Variants in REN observed in about 807,000 individuals in gnomAD.
REN encodes renin, also known as angiotensin-forming enzyme.
REN carries 42 observed loss-of-function variants against 48.6 expected under a neutral mutation model. The ratio of observed to expected loss-of-function variants is 0.86; its 90% CI spans 0.68 to 1.12. The LOEUF (loss-of-function observed/expected upper bound fraction) is 1.12. REN is among the 50% of genes most tolerant of loss of function. REN has a pLI of 0.00. For synonymous variants in REN, 196 were observed against 204.6 expected (o/e 0.96, Z 0.36); for missense variants, 443 against 527.3 (o/e 0.84, Z 1.57).
Position 204,154,857 on chromosome 1 carries a change from A to C in REN, c.*159T>G. The stretch of plus-strand genomic sequence containing the variant: ...TCTTTATTCTCTTTGTCCTCAAAGC[A>C]GGGAAGGGCTGGTGCAGGGGTCAGG... On this transcript the variant is annotated 3_prime_UTR_variant, in exon 10 of 10. Transcript: ENST00000272190. 1 of 773,738 alleles carries C rather than the reference A, an allele frequency of 1.3e-6. No individual in the cohort carries two copies. Among genetic ancestry groups the C allele is most frequent in the Non-Finnish European group, 2.2e-6 (1 of 460,806 alleles). 47.9% of individuals were successfully genotyped at this position (773,738 alleles called of 1,614,324 possible).
At position 204,155,007 on chromosome 1, in the gene REN, C is replaced by G; in HGVS notation, c.*9G>C. The G allele has an allele frequency of 6.2e-7, 1 of 1,613,552 alleles. No homozygotes were observed. Among genetic ancestry groups the G allele is most frequent in the Non-Finnish European group, 8.5e-7 (1 of 1,180,002 alleles). The stretch of plus-strand genomic sequence containing the variant: ...CTGAAGGCAGGGCCTGCCTGGGTGG[C>G]AGAGGGCCTCAGCGGGCCAAGGCGA... On this transcript the variant is annotated 3_prime_UTR_variant, in exon 10 of 10. Coordinates refer to ENST00000272190, the MANE Select transcript of REN (RefSeq NM_000537.4).
intron 1 of REN, among the ~76,000 whole-genome samples, chr1:204,163,420 C>T (rs1276098017): frequency 2.6e-5 from 4 of 152,198 alleles, no homozygotes; most frequent in Admixed American, 2.6e-4. Flanking sequence ...TATTTGCTCT[C>T]ATAAGGTGGA....
In REN at chr1:204,155,270, C is replaced by T. The variant is rs753925360; in HGVS notation, c.1060-93G>A. The T allele has an allele frequency of 1.4e-4, 199 of 1,408,292 alleles. 2 individuals are homozygous for T. In the Middle Eastern group the frequency reaches 1.6e-3, roughly 11 times the overall value. 87.2% of individuals were successfully genotyped at this position (1,408,292 alleles called of 1,614,324 possible). ...CCCAGCAACTGTCTTCAGCAACATT[C>T]CCCCTCTCGCCCCCATCTCTCCCCT... is the stretch of plus-strand genomic sequence containing the variant. On this transcript the variant is annotated intron_variant, in intron 9 of 9. Coordinates refer to ENST00000272190, the MANE Select transcript of REN (RefSeq NM_000537.4).
At chr1:204,159,371 C>A in intron 5 of REN, 28 bp downstream of exon 5, 9 of 1,605,428 alleles carry the variant, frequency 5.6e-6, no homozygotes, top group Non-Finnish European at 7.7e-6. Flanking sequence ...TGTCCCCCCA[C>A]CTCAGCCCTT....
At chr1:204,162,743 T>C (rs2102314928) in intron 1 of REN, among the ~76,000 whole-genome samples, 1 of 152,336 alleles carries the variant, frequency 6.6e-6, no homozygotes, top group Non-Finnish European at 1.5e-5. Context: ...CAGCCAGGGC[T>C]GTGGTGGAGT....
chr1:204,161,258 A>G (rs536767208), intron 3 of REN, 34 bp downstream of exon 3: 21 of 1,557,652 alleles, frequency 1.3e-5, no homozygotes, highest in South Asian at 2.5e-5. Context: ...GGGCAGGGGG[A>G]TGGAGGAGAG....
In REN at chr1:204,156,083, A is replaced by G; in HGVS notation, c.960+95T>C. ...TGGAGAGTGTGAGGTGAACAAGCGAAGGCCTGAGATGGCCTCATTTGCCTG... is the reference window on the plus strand; with the variant it reads ...TGGAGAGTGTGAGGTGAACAAGCGAGGGCCTGAGATGGCCTCATTTGCCTG... On this transcript the variant is annotated intron_variant, in intron 8 of 9. Transcript: ENST00000272190. The surrounding 1 kb of genome is among the most constrained non-coding windows in gnomAD (Gnocchi z 4.2). The G allele has an allele frequency of 6.3e-7, 1 of 1,574,946 alleles. No individual in the cohort carries two copies. Among genetic ancestry groups the G allele is most frequent in the Non-Finnish European group, 8.7e-7 (1 of 1,146,130 alleles).
At chr1:204,160,404 G>A (rs1198480744) in intron 4 of REN, among the ~76,000 whole-genome samples, 156 bp downstream of exon 4, 3 of 152,250 alleles carry the variant, frequency 2.0e-5, no homozygotes, top group African/African-American at 7.2e-5. Context: ...CTGCTTTGCA[G>A]CAACAGCCAG....
intron 5 of REN, among the ~76,000 whole-genome samples, chr1:204,159,011 CAGT>C (rs951441451): frequency 3.9e-5 from 6 of 152,302 alleles, no homozygotes; most frequent in African/African-American, 1.4e-4. Flanking sequence ...CTACAGGTCA[CAGT>C]AATCCCTTAT....
Position 204,164,617 on chromosome 1 carries a change from C to A in REN, c.98+1579G>T, listed in dbSNP as rs114629273. On this transcript the variant is annotated intron_variant, in intron 1 of 9. Coordinates refer to ENST00000272190, the MANE Select transcript of REN (RefSeq NM_000537.4). ...ATAAGGTCTGGCTCTATCACCCAGG[C>A]TAGAGCACAGTGGGTCAGTCTCTGC... Among the ~76,000 whole-genome samples the A allele has an allele frequency of 2.8e-3, 385 of 136,570 alleles. 1 individual carries two copies. The highest frequency in any genetic ancestry group is 0.01 in the African/African-American group (370 of 35,504). 89.6% of individuals were successfully genotyped at this position (136,570 alleles called of 152,430 possible).
intron 4 of REN, 131 bp from the exon 5 acceptor site, chr1:204,159,726 T>C (rs1464816): frequency 1.1e-4 from 80 of 759,770 alleles, no homozygotes; most frequent in African/African-American, 8.7e-4. Flanking sequence ...TAAGAGTATT[T>C]CCTCAACCCT....
chr1:204,160,672 T>C lies in REN; in HGVS notation c.380A>G (p.His127Arg), dbSNP rs779295984. ...GGAATCCGAAGCATCGAAGAGCTTG[T>C]GATACACTGGCAGGGGGACAGAGGC... ...CSRLYTACVY[H>R]KLFDASDSSS... The change falls in exon 4 of 10, where the codon CAC becomes CGC. Residue 127 changes from histidine to arginine, a missense_variant. Physicochemically the swap from His to Arg is conservative, Grantham distance 29 (BLOSUM62 0). Coordinates refer to ENST00000272190, the MANE Select transcript of REN (RefSeq NM_000537.4). 6.2e-7 allele frequency: 1 copy of C among 1,612,136 alleles called. No individual in the cohort carries two copies. Among genetic ancestry groups the C allele is most frequent in the South Asian group, 1.1e-5 (1 of 91,054 alleles).
intron 4 of REN, 151 bp from the exon 5 acceptor site, chr1:204,159,746 C>A: frequency 1.4e-6 from 1 of 698,432 alleles, no homozygotes; most frequent in Non-Finnish European, 2.6e-6. Context: ...TGCACGCACA[C>A]ACTCTGTGCC....
chr1:204,164,972 TC>T (rs1299499520), intron 1 of REN, among the ~76,000 whole-genome samples: 4 of 152,032 alleles, frequency 2.6e-5, no homozygotes, highest in Admixed American at 6.6e-5. Flanking sequence ...CTTGTTTTTT[TC>T]TTTCTTTTTT....
chr1:204,155,204 A>G (rs752039608), intron 9 of REN, 27 bp from the exon 10 acceptor site: 4 of 1,613,408 alleles, frequency 2.5e-6, no homozygotes, highest in Admixed American at 1.7e-5. Context: ...GAGTTTCTCC[A>G]TACCCAGCAC....
Position 204,160,597 on chromosome 1 carries a change from C to T in REN, c.455G>A (p.Gly152Glu). The change falls in exon 4 of 10, where the codon GGG (glycine) becomes GAG (glutamate). Residue 152 changes from glycine to glutamate, a missense_variant. By Grantham distance (98) the Gly-to-Glu change is moderately conservative. Coordinates refer to ENST00000272190, the MANE Select transcript of REN (RefSeq NM_000537.4). ...GTELTLRYST[G>E]TVSGFLSQDI... Reference sequence around the variant, plus strand: ...CTGGCTGAGAAAGCCACTGACTGTCCCTGTTGAATAGCGGAGGGTGAGTTC... The same window carrying T: ...CTGGCTGAGAAAGCCACTGACTGTCTCTGTTGAATAGCGGAGGGTGAGTTC... The T allele has an allele frequency of 6.2e-7, 1 of 1,614,140 alleles. No individual in the cohort carries two copies. The highest frequency in any genetic ancestry group is 1.6e-4 in the Middle Eastern group (1 of 6,062).
chr1:204,162,280 A>C, intron 1 of REN, 117 bp from the exon 2 acceptor site: 1 of 1,112,894 alleles, frequency 9.0e-7, no homozygotes, highest in African/African-American at 1.5e-5. Context: ...TAGCCCAGCC[A>C]CCTGGAAATC....
rs6704321 is a variant in REN at position 204,155,030 on chromosome 1, C to T, written c.1207G>A (p.Ala403Thr). The T allele has an allele frequency of 9.9e-6, 16 of 1,614,046 alleles. No homozygotes were observed. Among genetic ancestry groups the T allele is most frequent in the African/African-American group, 5.3e-5 (4 of 75,056 alleles). Residue 403 changes from alanine (A) to threonine (T), a missense_variant, in exon 10 of 10, where the codon GCC becomes ACC. Physicochemically the swap from Ala to Thr is moderately conservative, Grantham distance 58. Coordinates refer to ENST00000272190, the MANE Select transcript of REN (RefSeq NM_000537.4). ...GGCAGAGGGCCTCAGCGGGCCAAGGCGAAGCCAATGCGGTTGTTACGCCGA... is the reference window on the plus strand; with the variant it reads ...GGCAGAGGGCCTCAGCGGGCCAAGGTGAAGCCAATGCGGTTGTTACGCCGA... Reference protein sequence around the residue: ...FDRRNNRIGFALAR With the variant: ...FDRRNNRIGFTLAR
rs773343304 is a variant in REN at position 204,154,887 on chromosome 1, G to A, written c.*129C>T. The A allele has an allele frequency of 2.1e-5, 22 of 1,045,816 alleles. No individual in the cohort carries two copies. Among genetic ancestry groups the A allele is most frequent in the Non-Finnish European group, 3.0e-5 (21 of 695,376 alleles). 64.8% of individuals were successfully genotyped at this position (1,045,816 alleles called of 1,614,324 possible). On this transcript the variant is annotated 3_prime_UTR_variant, in exon 10 of 10. Coordinates refer to ENST00000272190, the MANE Select transcript of REN (RefSeq NM_000537.4). ...AGGGCTGGTGCAGGGGTCAGGGCAC[G>A]CATCCAGCAGGAGCTCCACATCCAA...
Sources: allele counts gnomAD v4.1 joint callset (sites outside exome capture counted in the v4.1 genomes callset), GRCh38; gene constraint gnomAD v4.1.1; non-coding constraint Gnocchi (gnomAD v3.1); transcripts MANE v1.5; gene names NCBI Gene and HGNC (gene_info 2026-07-23, HGNC 2026-07-21).